TMC5: variants seen among roughly 807,000 people sequenced by gnomAD.
TMC5 encodes the protein transmembrane channel like 5, also known as transmembrane channel-like protein 5.
Under a neutral mutation model 110.5 loss-of-function variants are expected in TMC5, and 86 were observed. The ratio of observed to expected loss-of-function variants is 0.78; its 90% CI spans 0.65 to 0.93. The LOEUF is 0.93. Ranked by LOEUF, TMC5 falls within the 40% of genes least tolerant of loss-of-function variation. The pLI, the probability that TMC5 is intolerant of heterozygous loss-of-function variation, is 0.00. For synonymous variants in TMC5, 455 were observed against 439.5 expected (o/e 1.04, Z -0.44); for missense variants, 1,144 against 1,222.8 (o/e 0.94, Z 0.96).
intron 6 of TMC5, among the ~76,000 whole-genome samples, chr16:19,461,121 A>T (rs1431447537): frequency 6.6e-6 from 1 of 152,236 alleles, no homozygotes; most frequent in East Asian, 1.9e-4. Context: ...GAGTTTAGGT[A>T]ATAGTAACGT....
intron 17 of TMC5, among the ~76,000 whole-genome samples, chr16:19,489,289 T>C (rs927028413): frequency 6.6e-6 from 1 of 152,170 alleles, no homozygotes; most frequent in African/African-American, 2.4e-5. Context: ...GCCTCCCGAG[T>C]AGCTGGGACT....
chr16:19,428,622 A>G (rs1967134370), intron 1 of TMC5, among the ~76,000 whole-genome samples: 1 of 152,150 alleles, frequency 6.6e-6, no homozygotes, highest in Non-Finnish European at 1.5e-5. Context: ...AGCGATTAAA[A>G]TTCATTTTTC....
chr16:19,434,872 G>A (rs1967306252), intron 2 of TMC5, among the ~76,000 whole-genome samples: 2 of 152,008 alleles, frequency 1.3e-5, no homozygotes, highest in Non-Finnish European at 2.9e-5. Flanking sequence ...AGACTCAGAG[G>A]GGTTAAGTGA....
intron 5 of TMC5, among the ~76,000 whole-genome samples, chr16:19,451,577 A>G (rs961100547): frequency 6.6e-6 from 1 of 152,160 alleles, no homozygotes; most frequent in Non-Finnish European, 1.5e-5. Context: ...CTCAACAACC[A>G]TCAACACAGA....
chr16:19,421,598 A>C (rs1396106071), intron 1 of TMC5, among the ~76,000 whole-genome samples: 1 of 152,122 alleles, frequency 6.6e-6, no homozygotes. Flanking sequence ...GATACACTTG[A>C]TTACTGGGAT....
At chr16:19,456,486 G>T (rs1234045730) in intron 5 of TMC5, 27 of 1,245,150 alleles carry the variant, frequency 2.2e-5, no homozygotes, top group Non-Finnish European at 2.7e-5. Flanking sequence ...CTTCTCCTGA[G>T]AAAACTCCTC....
Position 19,440,537 on chromosome 16 carries a change from C to G in TMC5, c.499C>G (p.Gln167Glu). 1 of 1,614,160 alleles carries G rather than the reference C, an allele frequency of 6.2e-7. No individual in the cohort carries two copies. Among genetic ancestry groups the G allele is most frequent in the East Asian group, 2.2e-5 (1 of 44,878 alleles). Residue 167 changes from glutamine to glutamate, a missense_variant, in exon 3 of 22, where the codon CAG becomes GAG. Physicochemically the swap from Gln to Glu is conservative, Grantham distance 29. Transcript: ENST00000542583. ...CTTAGAACCGGACTACCCTGGAGCTCAGAGCAACTCTGATCATCCTGGACC... is the reference window on the plus strand; with the variant it reads ...CTTAGAACCGGACTACCCTGGAGCTGAGAGCAACTCTGATCATCCTGGACC... ...GSLEPDYPGAQSNSDHPGPRA... is the reference protein window; with the variant it reads ...GSLEPDYPGAESNSDHPGPRA...
At chr16:19,412,837 C>G (rs1026140860) in intron 1 of TMC5, among the ~76,000 whole-genome samples, 3 of 152,126 alleles carry the variant, frequency 2.0e-5, no homozygotes, top group Non-Finnish European at 4.4e-5. Context: ...TGAACCCCTT[C>G]TCATCTATTT....
intron 1 of TMC5, among the ~76,000 whole-genome samples, chr16:19,419,246 T>G (rs1966923330): frequency 6.6e-6 from 1 of 152,180 alleles, no homozygotes. Flanking sequence ...CATAGCCCTG[T>G]GCCTGGCATG....
At chr16:19,493,588 G>A (rs1327027906) in intron 19 of TMC5, among the ~76,000 whole-genome samples, 1 of 151,894 alleles carries the variant, frequency 6.6e-6, no homozygotes, top group African/African-American at 2.4e-5. Flanking sequence ...AGCCTCCTGA[G>A]TAGCTGGGAT....
chr16:19,474,364 A>G (rs1597205918), intron 12 of TMC5, 88 bp downstream of exon 12: 5 of 1,445,914 alleles, frequency 3.5e-6, no homozygotes, highest in Admixed American at 2.1e-5. Context: ...TTTAGTATCA[A>G]AGTTTTTTCT....
intron 9 of TMC5, among the ~76,000 whole-genome samples, chr16:19,466,615 G>A (rs1239550541): frequency 6.6e-6 from 1 of 152,202 alleles, no homozygotes; most frequent in Non-Finnish European, 1.5e-5. Flanking sequence ...GCCTCCCATA[G>A]TCCTGGGATT....
chr16:19,498,012 G>A lies in TMC5; in HGVS notation c.*46G>A. On this transcript the variant is annotated 3_prime_UTR_variant, in exon 22 of 22. Transcript: ENST00000542583. ...CACCAATCAAATAAGGGGAGGAGAC[G>A]AAAATGGAATGATTTCTTCCATGCC... is the stretch of plus-strand genomic sequence containing the variant. 7 of 1,563,006 alleles carry A rather than the reference G, an allele frequency of 4.5e-6. No individual in the cohort carries two copies. Among genetic ancestry groups the A allele is most frequent in the East Asian group, 2.2e-5 (1 of 44,604 alleles).
intron 2 of TMC5, among the ~76,000 whole-genome samples, chr16:19,436,574 C>T (rs897328081): frequency 1.1e-4 from 16 of 152,156 alleles, no homozygotes; most frequent in Non-Finnish European, 2.2e-4. Context: ...CTTCTTAGCA[C>T]TACAGACAGT....
At chr16:19,457,743 T>TTTTTTTTTTTTTA (rs1967922752) in intron 5 of TMC5, among the ~76,000 whole-genome samples, 2 of 122,648 alleles carry the variant, frequency 1.6e-5, no homozygotes, top group Non-Finnish European at 3.2e-5. Flanking sequence ...TTTTTTTTTT[T>TTTTTTTTTTTTTA]GAGACAAAGT....
intron 5 of TMC5, among the ~76,000 whole-genome samples, chr16:19,450,227 A>G (rs1457968275): frequency 6.6e-6 from 1 of 152,178 alleles, no homozygotes; most frequent in Non-Finnish European, 1.5e-5. Context: ...CAGAAACCCA[A>G]CTCAAACAGG....
intron 11 of TMC5, among the ~76,000 whole-genome samples, chr16:19,472,658 A>T (rs1431563696): frequency 6.6e-6 from 1 of 152,128 alleles, no homozygotes; most frequent in Non-Finnish European, 1.5e-5. Flanking sequence ...GTTTGATCTC[A>T]GTTAATTCTT....
chr16:19,494,432 A>T lies in TMC5; in HGVS notation c.2931+66A>T. On this transcript the variant is annotated intron_variant, in intron 20 of 21. Coordinates refer to ENST00000542583, the MANE Select transcript of TMC5 (RefSeq NM_001261841.2). ...CTTGCCTCCATGTAAAAAGCGCGTC[A>T]GAGAACTACAGACCAAGCTCTTGGG... 5 of 1,020,626 alleles carry T rather than the reference A, an allele frequency of 4.9e-6. No individual in the cohort carries two copies. In the South Asian group the frequency reaches 6.8e-5, roughly 14 times the overall value. 63.2% of individuals were successfully genotyped at this position (1,020,626 alleles called of 1,614,324 possible).
intron 2 of TMC5, among the ~76,000 whole-genome samples, chr16:19,433,185 G>A (rs1282628443): frequency 6.6e-6 from 1 of 152,156 alleles, no homozygotes; most frequent in African/African-American, 2.4e-5. Flanking sequence ...AAAACATAAA[G>A]GTTTGTTTCT....
Sources: gnomAD v4.1 joint callset for allele counts (sites outside exome capture counted in the v4.1 genomes callset) on GRCh38, gnomAD v4.1.1 for gene constraint, MANE v1.5 for transcripts, NCBI Gene and HGNC (gene_info 2026-07-23, HGNC 2026-07-21) for gene names.